The following SOX5 variants were observed in gnomAD, a reference collection of about 807,000 sequenced individuals.
SOX5 encodes transcription factor SOX-5.
Under a neutral mutation model 92.0 loss-of-function variants are expected in SOX5, and 9 were observed. The observed-to-expected ratio is 0.10, with a 90% CI of 0.06 to 0.17. The LOEUF (loss-of-function observed/expected upper bound fraction) is 0.17, where lower values mean the gene tolerates loss of function less well. Among genes scored for constraint, SOX5 ranks in the 10% least tolerant of loss-of-function variants. SOX5 has a pLI of 1.00. For missense variants in SOX5, 642 were observed against 944.5 expected (o/e 0.68, Z 4.20); for synonymous variants, 344 against 336.3 (o/e 1.02, Z -0.25).
At chr12:24,359,722 G>A (rs1955304381) in intron 2 of SOX5, among the ~76,000 whole-genome samples, 1 of 152,128 alleles carries the variant, frequency 6.6e-6, no homozygotes, top group African/African-American at 2.4e-5. Context: ...TTTATCAAGG[G>A]ATAAGGAAGA....
chr12:23,794,194 T>G (rs1273818314), intron 3 of SOX5, among the ~76,000 whole-genome samples: 1 of 152,170 alleles, frequency 6.6e-6, no homozygotes, highest in Non-Finnish European at 1.5e-5. Context: ...TTAATTGGTG[T>G]GCTGTTTACT....
intron 4 of SOX5, among the ~76,000 whole-genome samples, chr12:23,751,715 C>T (rs2094185871): frequency 1.3e-5 from 2 of 152,002 alleles, no homozygotes; most frequent in South Asian, 4.1e-4. Flanking sequence ...CCTTGAATCC[C>T]TTATTGGCAG....
At chr12:24,354,756 T>C (rs1954585699) in intron 2 of SOX5, among the ~76,000 whole-genome samples, 1 of 152,206 alleles carries the variant, frequency 6.6e-6, no homozygotes, top group Non-Finnish European at 1.5e-5. Flanking sequence ...ATTTGTGTAA[T>C]AAGCAAGTTT....
chr12:23,836,906 T>C (rs1389346640), intron 3 of SOX5, among the ~76,000 whole-genome samples: 1 of 151,924 alleles, frequency 6.6e-6, no homozygotes, highest in African/African-American at 2.4e-5. Flanking sequence ...CATGATGTTG[T>C]TCCCATTACA....
intron 4 of SOX5, among the ~76,000 whole-genome samples, chr12:24,142,576 G>A (rs1486321907): frequency 1.3e-5 from 2 of 152,086 alleles, no homozygotes; most frequent in Admixed American, 1.3e-4. Context: ...ACAGGGACTG[G>A]ATTTACTGTT....
intron 4 of SOX5, among the ~76,000 whole-genome samples, chr12:24,042,661 G>A (rs911176591): frequency 4.6e-5 from 7 of 151,968 alleles, no homozygotes; most frequent in African/African-American, 1.7e-4. Flanking sequence ...AGCTGTATGT[G>A]GCACAAAAAA....
At chr12:24,554,882 T>C (rs1953614272) in intron 1 of SOX5, among the ~76,000 whole-genome samples, 3 of 152,194 alleles carry the variant, frequency 2.0e-5, no homozygotes, top group Admixed American at 2.0e-4. Flanking sequence ...TTCTCAGATG[T>C]TGTTCTCCCA....
intron 1 of SOX5, among the ~76,000 whole-genome samples, chr12:23,918,944 A>G (rs1334452902): frequency 6.6e-6 from 1 of 151,990 alleles, no homozygotes; most frequent in East Asian, 1.9e-4. Context: ...AGAAAGAAAG[A>G]AAAATGGCCC....
intron 2 of SOX5, among the ~76,000 whole-genome samples, chr12:23,893,578 C>T (rs16926849): frequency 0.061 from 9,234 of 152,240 alleles, 368 homozygotes; most frequent in East Asian, 0.092. Flanking sequence ...TTAAAATCAT[C>T]TTCCATTTAT....
rs1486129716 is a variant in SOX5 at position 23,529,639 on chromosome 12, T to A, written c.*4580A>T. The A allele has an allele frequency of 6.6e-6, 1 of 152,126 alleles. No homozygotes were observed. Among genetic ancestry groups the A allele is most frequent in the Non-Finnish European group, 1.5e-5 (1 of 68,014 alleles). 9.4% of individuals were successfully genotyped at this position (152,126 alleles called of 1,614,324 possible). A position where few individuals can be genotyped will look rare whatever the true frequency, so the allele number is the denominator to read the frequency against. Reference sequence around the variant, plus strand: ...TTGGTGGCAACCCACATCTTTTTTTTAAGAGCACATAAACTCCTGTTTTAT... The same window carrying A: ...TTGGTGGCAACCCACATCTTTTTTTAAAGAGCACATAAACTCCTGTTTTAT... On this transcript the variant is annotated 3_prime_UTR_variant, in exon 15 of 15. Transcript: ENST00000451604.
At chr12:24,017,493 G>A (rs1355840102) in intron 4 of SOX5, among the ~76,000 whole-genome samples, 1 of 152,018 alleles carries the variant, frequency 6.6e-6, no homozygotes, top group Non-Finnish European at 1.5e-5. Flanking sequence ...CCAGCTACTT[G>A]GGAGGCTGAG....
At chr12:24,446,851 A>C (rs1012648653) in intron 1 of SOX5, among the ~76,000 whole-genome samples, 1 of 152,232 alleles carries the variant, frequency 6.6e-6, no homozygotes, top group African/African-American at 2.4e-5. Flanking sequence ...CACAGAGTGA[A>C]AAAACACAGA....
intron 9 of SOX5, chr12:23,582,294 G>T (rs769568230): frequency 1.4e-5 from 14 of 984,906 alleles, no homozygotes; most frequent in Non-Finnish European, 1.6e-5. Flanking sequence ...TTTACTAGAA[G>T]AAACAAAACA....
At chr12:23,547,111 G>A (rs1045516499) in intron 11 of SOX5, among the ~76,000 whole-genome samples, 4 of 152,080 alleles carry the variant, frequency 2.6e-5, no homozygotes, top group Non-Finnish European at 5.9e-5. Context: ...TGCAGTGCAC[G>A]ATTCACATTC....
In SOX5 at chr12:23,829,713, C is replaced by T. The variant is rs1430102779; in HGVS notation, c.481+16270G>A. Among the ~76,000 whole-genome samples the T allele has an allele frequency of 3.3e-5, 5 of 152,056 alleles. No individual in the cohort carries two copies. In the East Asian group the frequency reaches 9.7e-4, roughly 29 times the overall value. On this transcript the variant is annotated intron_variant, in intron 3 of 14. Transcript: ENST00000451604. ...AGAGGTTTGGAATGACTTACATAGA[C>T]CTGATAGTAGACAAACTAATGTATC...
At chr12:24,342,155 C>T (rs752291602) in intron 2 of SOX5, among the ~76,000 whole-genome samples, 2 of 152,198 alleles carry the variant, frequency 1.3e-5, no homozygotes, top group Admixed American at 6.5e-5. Context: ...TCATAAACAA[C>T]ATCAACATTA....
rs1486201767 is a variant in SOX5, at chr12:23,531,623, T to C, written c.*2596A>G. ...AATTTTTTAAAAATCTGTTTTCACA[T>C]TGTACATAAAAATGATATAAAAACA... On this transcript the variant is annotated 3_prime_UTR_variant, in exon 15 of 15. Transcript: ENST00000451604. The C allele has an allele frequency of 2.6e-5, 4 of 152,180 alleles. No individual in the cohort carries two copies. Among genetic ancestry groups the C allele is most frequent in the Non-Finnish European group, 4.4e-5 (3 of 68,016 alleles). The allele number at this position is 152,180 out of a possible 1,614,324, so 9.4% of individuals were successfully genotyped here.
At chr12:23,636,940 T>C (rs1240225227) in intron 8 of SOX5, among the ~76,000 whole-genome samples, 2 of 152,148 alleles carry the variant, frequency 1.3e-5, no homozygotes, top group Admixed American at 6.5e-5. Context: ...TATTAATACA[T>C]AACACAAAAC....
intron 7 of SOX5, among the ~76,000 whole-genome samples, chr12:23,654,995 C>T (rs978761378): frequency 2.6e-5 from 4 of 151,862 alleles, no homozygotes; most frequent in Non-Finnish European, 4.4e-5. Context: ...ATTTTTATGA[C>T]GTCTTAATGT....
Sources: gnomAD v4.1 joint callset for allele counts (sites outside exome capture counted in the v4.1 genomes callset) on GRCh38, gnomAD v4.1.1 for gene constraint, MANE v1.5 for transcripts, NCBI Gene and HGNC (gene_info 2026-07-23, HGNC 2026-07-21) for gene names.